The following DAB1 variants were observed in gnomAD, a reference collection of about 807,000 sequenced individuals.
DAB1 encodes the protein disabled homolog 1.
In DAB1, 15 loss-of-function variants were observed where a neutral mutation model predicts 64.6. That is an observed-to-expected ratio of 0.23 (90% confidence interval 0.16 to 0.36). The LOEUF is 0.36. Among genes scored for constraint, DAB1 ranks in the 10% least tolerant of loss-of-function variants. The pLI, the probability that DAB1 is intolerant of heterozygous loss-of-function variation, is 1.00. For synonymous variants in DAB1, 235 were observed against 251.9 expected, an observed-to-expected ratio of 0.93 and a Z score of 0.64; for missense variants, 596 against 706.7, an observed-to-expected ratio of 0.84 and a Z score of 1.78.
At chr1:57,593,321 G>C (rs1215470433) in intron 7 of DAB1, among the ~76,000 whole-genome samples, 1 of 152,284 alleles carries the variant, frequency 6.6e-6, no homozygotes, top group South Asian at 2.1e-4. Context: ...CCATGTTATA[G>C]AAAGTGTCCG....
intron 7 of DAB1, among the ~76,000 whole-genome samples, chr1:57,447,642 A>G (rs1002198828): frequency 6.6e-6 from 1 of 152,182 alleles, no homozygotes; most frequent in Admixed American, 6.5e-5. Flanking sequence ...ATCTGATTAT[A>G]CCATGCCTTT....
At chr1:58,048,988 TAA>T (rs1647438055) in intron 5 of DAB1, 1 of 810,642 alleles carries the variant, frequency 1.2e-6, no homozygotes, top group African/African-American at 1.7e-5. Context: ...TTTTCACAGT[TAA>T]GTGGGCACCT....
intron 5 of DAB1, among the ~76,000 whole-genome samples, chr1:57,938,245 C>T (rs1557566081): frequency 6.6e-6 from 1 of 152,202 alleles, no homozygotes; most frequent in Non-Finnish European, 1.5e-5. Context: ...TGGATCAATG[C>T]TCAGTACAGG....
intron 3 of DAB1, among the ~76,000 whole-genome samples, chr1:58,504,684 G>A (rs146431102): frequency 2.6e-5 from 4 of 152,176 alleles, no homozygotes; most frequent in Non-Finnish European, 4.4e-5. Flanking sequence ...AATAAATATC[G>A]ATCTACCTAA....
At chr1:57,063,239 G>GT (rs1317210358) in intron 8 of DAB1, among the ~76,000 whole-genome samples, 5 of 151,682 alleles carry the variant, frequency 3.3e-5, no homozygotes, top group African/African-American at 7.3e-5. Context: ...AAGTCATGCG[G>GT]TAAAAAAAAA....
In DAB1 at chr1:58,316,286, G is replaced by A. The variant is rs1278963306; in HGVS notation, n.309+27066C>T. On this transcript the variant is annotated intron_variant and non_coding_transcript_variant, in intron 4 of 20. Transcript: ENST00000485760. ...TTACCTGTGTCAAGCAGAGCAGACT[G>A]TCTGGGTCTGAATCTTGGCTCTGTT... Among the ~76,000 whole-genome samples the A allele has an allele frequency of 2.6e-5, 4 of 152,232 alleles. No individual in the cohort carries two copies. In the East Asian group the frequency reaches 7.7e-4, roughly 29 times the overall value.
At chr1:57,027,602 C>T (rs193189270) in intron 9 of DAB1, among the ~76,000 whole-genome samples, 13 of 152,294 alleles carry the variant, frequency 8.5e-5, no homozygotes, top group Non-Finnish European at 1.5e-4. Flanking sequence ...ATCTGCAACT[C>T]CTCAGAATTA....
At chr1:58,386,163 C>T (rs1569714941) in intron 3 of DAB1, among the ~76,000 whole-genome samples, 1 of 152,162 alleles carries the variant, frequency 6.6e-6, no homozygotes, top group Non-Finnish European at 1.5e-5. Flanking sequence ...CTCTAATATC[C>T]TTTCCTCCTA....
At chr1:57,104,793 T>G (rs1445070986) in intron 4 of DAB1, among the ~76,000 whole-genome samples, 1 of 151,672 alleles carries the variant, frequency 6.6e-6, no homozygotes, top group Non-Finnish European at 1.5e-5. Flanking sequence ...AGAAGTTGGG[T>G]GGGGGCTGGG....
At chr1:57,175,534 C>T (rs1031414547) in intron 2 of DAB1, among the ~76,000 whole-genome samples, 7 of 151,916 alleles carry the variant, frequency 4.6e-5, no homozygotes, top group African/African-American at 2.4e-5. Context: ...CAAATAGAGC[C>T]GTATTTATAT....
intron 1 of DAB1, among the ~76,000 whole-genome samples, chr1:57,339,219 G>A (rs1383781690): frequency 1.3e-5 from 2 of 150,988 alleles, no homozygotes; most frequent in African/African-American, 2.4e-5. Flanking sequence ...GCAGTGGCGC[G>A]ATCTCTGCTC....
chr1:57,695,372 GAAAGAAAGAAAGAAAGAAAGAAAGA>G (rs1646823399), intron 6 of DAB1, among the ~76,000 whole-genome samples: 82 of 54,228 alleles, frequency 1.5e-3, no homozygotes, highest in East Asian at 2.8e-3. Flanking sequence ...AAGAAAGAAA[GAAAGAAAGAAAGAAAGAAAGAAAGA>G]AAGAAAGAAA....
chr1:57,533,518 A>G (rs972621014), intron 7 of DAB1, among the ~76,000 whole-genome samples: 1 of 150,174 alleles, frequency 6.7e-6, no homozygotes, highest in Non-Finnish European at 1.5e-5. Flanking sequence ...ACAGAAAACA[A>G]AAATAGAAAA....
intron 7 of DAB1, among the ~76,000 whole-genome samples, chr1:57,615,135 G>C (rs908887636): frequency 1.3e-5 from 2 of 151,996 alleles, no homozygotes; most frequent in Admixed American, 1.3e-4. Flanking sequence ...CTCCCAAAGT[G>C]CTGGGATTAC....
chr1:58,314,531 G>A (rs2100477913), intron 4 of DAB1, among the ~76,000 whole-genome samples: 1 of 152,212 alleles, frequency 6.6e-6, no homozygotes, highest in African/African-American at 2.4e-5. Flanking sequence ...TTACGATTGA[G>A]TCGTATTTAC....
intron 2 of DAB1, among the ~76,000 whole-genome samples, chr1:58,510,652 G>A (rs1646060080): frequency 6.6e-6 from 1 of 151,796 alleles, no homozygotes; most frequent in Non-Finnish European, 1.5e-5. Flanking sequence ...AGAAATAAAA[G>A]GCATTTAAAT....
At chr1:57,362,612 C>T (rs905305036) in intron 1 of DAB1, among the ~76,000 whole-genome samples, 1 of 152,058 alleles carries the variant, frequency 6.6e-6, no homozygotes, top group Non-Finnish European at 1.5e-5. Flanking sequence ...ATAAAAGAGG[C>T]CTCAGAGAGC....
intron 5 of DAB1, among the ~76,000 whole-genome samples, chr1:57,994,193 G>A (rs955901707): frequency 3.9e-5 from 6 of 152,206 alleles, no homozygotes; most frequent in African/African-American, 1.4e-4. Context: ...CTGAGACAGA[G>A]ATGAGATGCT....
chr1:58,183,101 C>G (rs1656885567), intron 4 of DAB1, among the ~76,000 whole-genome samples: 1 of 151,962 alleles, frequency 6.6e-6, no homozygotes, highest in African/African-American at 2.4e-5. Context: ...AGCCTGGATT[C>G]TAGAGATTAC....
Sources: allele counts gnomAD v4.1 joint callset (sites outside exome capture counted in the v4.1 genomes callset), GRCh38; gene constraint gnomAD v4.1.1; transcripts MANE v1.5; gene names NCBI Gene and HGNC (gene_info 2026-07-23, HGNC 2026-07-21).